TRPC5: variants seen among roughly 807,000 people sequenced by gnomAD.
TRPC5 encodes transient receptor potential cation channel subfamily C member 5, also known as short transient receptor potential channel 5.
In TRPC5, 9 loss-of-function variants were observed where a neutral mutation model predicts 56.5. That is an observed-to-expected ratio of 0.16 (90% CI 0.10 to 0.28). TRPC5 has a LOEUF of 0.28. Ranked by LOEUF, TRPC5 falls within the 10% of genes least tolerant of loss-of-function variation. The pLI is 1.00. For synonymous variants in TRPC5, 282 were observed against 278.5 expected (o/e 1.01, Z -0.13); for missense variants, 469 against 748.9 (o/e 0.63, Z 4.36).
intron 3 of TRPC5, among the ~76,000 whole-genome samples, chrX:111,882,746 A>T (rs944613868): frequency 2.7e-5 from 3 of 112,645 alleles, no homozygotes; most frequent in African/African-American, 9.7e-5. Context: ...AGTTAGGTGG[A>T]GACAGAGTCT....
intron 3 of TRPC5, among the ~76,000 whole-genome samples, chrX:111,893,783 T>C (rs775415604): frequency 8.9e-6 from 1 of 112,377 alleles, no homozygotes; most frequent in South Asian, 3.8e-4. Context: ...TGTCAGATCC[T>C]ATAACAGGCA....
At chrX:112,033,069 G>T (rs184015078) in intron 1 of TRPC5, among the ~76,000 whole-genome samples, 309 of 108,708 alleles carry the variant, frequency 2.8e-3, no homozygotes, top group African/African-American at 9.8e-3. Flanking sequence ...GTCCTTTGTA[G>T]GGACATGGAT....
chrX:111,805,706 C>T (rs1271488177), intron 7 of TRPC5, among the ~76,000 whole-genome samples: 1 of 111,369 alleles, frequency 9.0e-6, no homozygotes, highest in Non-Finnish European at 1.9e-5. Context: ...TAGGGTATCA[C>T]TCTGTCACCC....
At chrX:111,797,271 T>G (rs1182011662) in intron 7 of TRPC5, among the ~76,000 whole-genome samples, 1 of 112,285 alleles carries the variant, frequency 8.9e-6, no homozygotes, top group Non-Finnish European at 1.9e-5. Flanking sequence ...CTACTAAACC[T>G]GTATGTGAAA....
At chrX:111,864,908 A>G (rs1222939762) in intron 3 of TRPC5, among the ~76,000 whole-genome samples, 1 of 111,614 alleles carries the variant, frequency 9.0e-6, no homozygotes, top group African/African-American at 3.3e-5. Flanking sequence ...ATGTTGTTCT[A>G]TTTGTGTGTG....
At chrX:112,008,614 A>AATAT (rs1928909383) in intron 1 of TRPC5, among the ~76,000 whole-genome samples, 2 of 106,584 alleles carry the variant, frequency 1.9e-5, no homozygotes, top group African/African-American at 7.1e-5. Context: ...AAAAAAAAAA[A>AATAT]ATATAGAGAG....
chrX:111,927,536 G>A (rs1307470441), intron 2 of TRPC5, among the ~76,000 whole-genome samples: 2 of 111,599 alleles, frequency 1.8e-5, no homozygotes, highest in African/African-American at 3.3e-5. Context: ...CTTAGTAATG[G>A]ATAGAAGAGT....
At chrX:111,810,519 T>A (rs1222572002) in intron 7 of TRPC5, among the ~76,000 whole-genome samples, 1 of 112,099 alleles carries the variant, frequency 8.9e-6, no homozygotes, top group East Asian at 2.8e-4. Context: ...ATTATATGAC[T>A]TTCTGGCACA....
At chrX:111,828,982 G>A (rs2148574647) in intron 7 of TRPC5, among the ~76,000 whole-genome samples, 1 of 111,835 alleles carries the variant, frequency 8.9e-6, no homozygotes, top group Admixed American at 9.5e-5. Context: ...AAATTTCAAA[G>A]CAGCAAAGCA....
rs1270077862 is a variant in TRPC5, at chrX:111,771,694, C to A, written c.*4619G>T. On this transcript the variant is annotated 3_prime_UTR_variant, in exon 11 of 11. Transcript: ENST00000262839. ...ACCAAATCTCAGGTATACAGTAAAT[C>A]TGAAGTATGCAGACTGACTTTATTT... Among the ~76,000 whole-genome samples the A allele has an allele frequency of 9.0e-6, 1 of 111,113 alleles. No homozygotes were observed. The highest frequency in any genetic ancestry group is 2.8e-4 in the East Asian group (1 of 3,545).
Position 111,773,994 on chromosome X carries a change from C to T in TRPC5, c.*2319G>A, listed in dbSNP as rs3027757. ...TAGCTGTTCAGCTTTAACCCCCATC[C>T]TAAATGAGGCTTCACTATAGCTAGT... On this transcript the variant is annotated 3_prime_UTR_variant, in exon 11 of 11. Coordinates refer to ENST00000262839, the MANE Select transcript of TRPC5 (RefSeq NM_012471.3). Among the ~76,000 whole-genome samples the T allele has an allele frequency of 0.022, 2,509 of 111,547 alleles. 64 individuals are homozygous for T. Among genetic ancestry groups the T allele is most frequent in the African/African-American group, 0.078 (2,383 of 30,688 alleles).
intron 2 of TRPC5, among the ~76,000 whole-genome samples, chrX:111,943,277 C>A (rs1926829124): frequency 8.9e-6 from 1 of 111,796 alleles, no homozygotes; most frequent in Non-Finnish European, 1.9e-5. Flanking sequence ...TTATAATTTT[C>A]TCCTTGAATT....
intron 7 of TRPC5, among the ~76,000 whole-genome samples, chrX:111,799,019 A>G (rs1413553024): frequency 9.0e-6 from 1 of 111,727 alleles, no homozygotes; most frequent in East Asian, 2.8e-4. Flanking sequence ...CTTCTTGAAG[A>G]GAAAGGATAT....
At chrX:111,969,343 A>C (rs1161668308) in intron 1 of TRPC5, among the ~76,000 whole-genome samples, 2 of 112,361 alleles carry the variant, frequency 1.8e-5, no homozygotes, top group Admixed American at 9.5e-5. Flanking sequence ...TTTGACTTGC[A>C]ACATTCACTT....
At chrX:111,791,453 C>T (rs1946020510) in intron 7 of TRPC5, among the ~76,000 whole-genome samples, 1 of 111,856 alleles carries the variant, frequency 8.9e-6, no homozygotes, top group Non-Finnish European at 1.9e-5. Context: ...AAGATACCAA[C>T]CAGCCACTTG....
intron 1 of TRPC5, among the ~76,000 whole-genome samples, chrX:112,016,703 A>C: frequency 1.8e-5 from 2 of 111,942 alleles, no homozygotes; most frequent in Middle Eastern, 9.3e-3. Context: ...GTACTTGTGC[A>C]TGCACCCATG....
chrX:111,968,624 C>A (rs368668860), intron 1 of TRPC5, among the ~76,000 whole-genome samples: 150 of 108,754 alleles, frequency 1.4e-3, no homozygotes, highest in Non-Finnish European at 2.5e-3. Flanking sequence ...GCACATATAC[C>A]CCATGGAATA....
intron 1 of TRPC5, among the ~76,000 whole-genome samples, chrX:112,049,951 G>A (rs181361110): frequency 0.039 from 4,319 of 111,215 alleles, 80 homozygotes; most frequent in Non-Finnish European, 0.06. Flanking sequence ...TGAGGCAGGC[G>A]GATCACCTGA....
Position 111,952,557 on chromosome X carries a change from C to T in TRPC5, c.-21-116G>A, listed in dbSNP as rs111687165. 0.016 allele frequency: 11,689 copies of T among 725,676 alleles called. 977 individuals are homozygous for T. In the African/African-American group the frequency reaches 0.23, roughly 14 times the overall value. 59.8% of individuals were successfully genotyped at this position (725,676 alleles called of 1,213,427 possible). ...AGAAAATCCTAAACTACTTCAATGA[C>T]GCCGTCTTTTTTCCGCTTACAAAGA... On this transcript the variant is annotated intron_variant, in intron 1 of 10. Transcript: ENST00000262839.
Sources: gnomAD v4.1 joint callset for allele counts (sites outside exome capture counted in the v4.1 genomes callset) on GRCh38, gnomAD v4.1.1 for gene constraint, MANE v1.5 for transcripts, NCBI Gene and HGNC (gene_info 2026-07-23, HGNC 2026-07-21) for gene names.